ATG10: variants seen among roughly 807,000 people sequenced by gnomAD.
ATG10 encodes autophagy related 10, also known as ubiquitin-like-conjugating enzyme ATG10.
Under a neutral mutation model 32.1 loss-of-function variants are expected in ATG10, and 30 were observed. That is an observed-to-expected ratio of 0.94 (90% CI 0.70 to 1.27). The LOEUF (loss-of-function observed/expected upper bound fraction) is 1.27. Among genes scored for constraint, ATG10 ranks in the 50% most tolerant of loss-of-function variants. The pLI is 0.00. For synonymous variants in ATG10, 87 were observed against 91.5 expected (o/e 0.95, Z 0.28); for missense variants, 233 against 262.3 (o/e 0.89, Z 0.77).
At chr5:82,032,503 A>G (rs1762771320) in intron 2 of ATG10, among the ~76,000 whole-genome samples, 1 of 152,054 alleles carries the variant, frequency 6.6e-6, no homozygotes, top group Admixed American at 6.6e-5. Flanking sequence ...TTCCTCTCTC[A>G]ATTAAAAAAA....
intron 2 of ATG10, among the ~76,000 whole-genome samples, chr5:81,989,569 TA>T (rs1761394016): frequency 6.6e-6 from 1 of 152,138 alleles, no homozygotes; most frequent in African/African-American, 2.4e-5. Context: ...TGTTCTTGGG[TA>T]TATTTTATAG....
intron 3 of ATG10, among the ~76,000 whole-genome samples, chr5:82,091,624 T>C (rs549741159): frequency 1.3e-5 from 2 of 152,276 alleles, no homozygotes; most frequent in Admixed American, 6.5e-5. Context: ...AAATATCCTC[T>C]TGCAGATTTC....
intron 3 of ATG10, among the ~76,000 whole-genome samples, chr5:82,133,562 G>C (rs1005102036): frequency 6.6e-6 from 1 of 152,008 alleles, no homozygotes; most frequent in Admixed American, 6.6e-5. Flanking sequence ...TGAGGCCTCT[G>C]TTCTGTTCCA....
At chr5:82,185,972 A>C (rs188064183) in intron 5 of ATG10, among the ~76,000 whole-genome samples, 1 of 152,348 alleles carries the variant, frequency 6.6e-6, no homozygotes, top group East Asian at 1.9e-4. Context: ...CTGTTTAACA[A>C]AACTTCTCAG....
intron 3 of ATG10, among the ~76,000 whole-genome samples, chr5:82,130,467 T>C (rs148274109): frequency 0.012 from 1,775 of 152,216 alleles, 44 homozygotes; most frequent in African/African-American, 0.041. Flanking sequence ...CCCAGGGCTC[T>C]GGTGGTGTAG....
chr5:82,066,650 G>A (rs1763951252), intron 3 of ATG10, among the ~76,000 whole-genome samples: 1 of 152,104 alleles, frequency 6.6e-6, no homozygotes, highest in South Asian at 2.1e-4. Flanking sequence ...TCAGTAACAG[G>A]AGATGATCTC....
rs148150837 is a variant in ATG10 at position 82,122,435 on chromosome 5, C to T, written c.217-41964C>T. Among the ~76,000 whole-genome samples, 178 of 152,174 alleles carry T rather than the reference C, an allele frequency of 1.2e-3. 2 individuals are homozygous for T. The Middle Eastern group carries it at 0.017, about 15-fold the overall frequency. ...TGGAAGACAACATAGGAAATACCAT[C>T]CTGGACATAGGAATGGGCAAAGATT... On this transcript the variant is annotated intron_variant, in intron 3 of 7. Transcript: ENST00000282185.
intron 2 of ATG10, among the ~76,000 whole-genome samples, chr5:81,996,313 C>G: frequency 6.6e-6 from 1 of 152,182 alleles, no homozygotes; most frequent in African/African-American, 2.4e-5. Context: ...TCATGGCTCA[C>G]TGCAGCCTTG....
intron 3 of ATG10, among the ~76,000 whole-genome samples, chr5:82,149,014 T>C (rs937578169): frequency 6.6e-6 from 1 of 152,182 alleles, no homozygotes; most frequent in Non-Finnish European, 1.5e-5. Flanking sequence ...GATATTCTTT[T>C]TATGCTAATG....
intron 2 of ATG10, among the ~76,000 whole-genome samples, chr5:82,041,771 C>T (rs1432784797): frequency 6.6e-6 from 1 of 151,926 alleles, no homozygotes; most frequent in Non-Finnish European, 1.5e-5. Context: ...ACTTATGTCT[C>T]ACAGCTCACT....
chr5:82,030,365 T>G (rs996062808), intron 2 of ATG10, among the ~76,000 whole-genome samples: 3 of 152,086 alleles, frequency 2.0e-5, no homozygotes, highest in Non-Finnish European at 1.5e-5. Context: ...AATAAAAAAT[T>G]TTGCTCCCTA....
intron 3 of ATG10, among the ~76,000 whole-genome samples, chr5:82,092,922 G>A (rs1764939983): frequency 6.6e-6 from 1 of 152,102 alleles, no homozygotes; most frequent in Non-Finnish European, 1.5e-5. Context: ...ACAAGAATGA[G>A]TAGGTTTAGA....
At chr5:82,101,497 G>A (rs1765273497) in intron 3 of ATG10, among the ~76,000 whole-genome samples, 1 of 152,114 alleles carries the variant, frequency 6.6e-6, no homozygotes, top group African/African-American at 2.4e-5. Flanking sequence ...TAGGTGTATT[G>A]CCCAGGATTC....
chr5:81,990,104 T>C (rs1449135616), intron 2 of ATG10, among the ~76,000 whole-genome samples: 1 of 152,196 alleles, frequency 6.6e-6, no homozygotes, highest in Admixed American at 6.5e-5. Context: ...TTGACTTCTT[T>C]GTGATAGTTC....
In ATG10 at chr5:82,178,378, C is replaced by T. The variant is rs927733160; in HGVS notation, c.356-112C>T. 18 of 668,948 alleles carry T rather than the reference C, an allele frequency of 2.7e-5. No individual in the cohort carries two copies. In the African/African-American group the frequency reaches 2.9e-4, roughly 11 times the overall value. The allele number at this position is 668,948 out of a possible 1,614,324, so 41.4% of individuals were successfully genotyped here. A position where few individuals can be genotyped will look rare whatever the true frequency, so the allele number is the denominator to read the frequency against. ...TCTCTTGATATATAAATAGCATGTG[C>T]ACTGAAGATCTTTCTAAAAGTCATG... On this transcript the variant is annotated intron_variant, in intron 4 of 7. Coordinates refer to ENST00000282185, the MANE Select transcript of ATG10 (RefSeq NM_031482.5).
intron 5 of ATG10, among the ~76,000 whole-genome samples, chr5:82,239,196 T>C (rs1329476126): frequency 6.6e-6 from 1 of 152,142 alleles, no homozygotes; most frequent in Non-Finnish European, 1.5e-5. Context: ...AAGGAGAGAA[T>C]GGTGTCCCTA....
At chr5:82,235,472 A>G (rs543146527) in intron 5 of ATG10, among the ~76,000 whole-genome samples, 2 of 152,220 alleles carry the variant, frequency 1.3e-5, no homozygotes, top group South Asian at 2.1e-4. Context: ...ATTCTTCTCT[A>G]TATCTTTGGA....
chr5:82,083,949 A>G (rs1242930565), intron 3 of ATG10, among the ~76,000 whole-genome samples: 1 of 152,250 alleles, frequency 6.6e-6, no homozygotes, highest in Non-Finnish European at 1.5e-5. Context: ...GCTCCTTGCC[A>G]GCAACGGAAC....
intron 3 of ATG10, among the ~76,000 whole-genome samples, chr5:82,156,301 T>C (rs1767796103): frequency 2.0e-5 from 3 of 152,162 alleles, no homozygotes; most frequent in African/African-American, 7.2e-5. Context: ...AGACCCTCCA[T>C]GTGTATGTGA....
Sources: gnomAD v4.1 joint callset for allele counts (sites outside exome capture counted in the v4.1 genomes callset) on GRCh38, gnomAD v4.1.1 for gene constraint, MANE v1.5 for transcripts, NCBI Gene and HGNC (gene_info 2026-07-23, HGNC 2026-07-21) for gene names.